The following DLGAP2 variants were observed in gnomAD, a reference collection of about 807,000 sequenced individuals.
DLGAP2 encodes DLG associated protein 2.
In DLGAP2, 26 loss-of-function variants were observed where a neutral mutation model predicts 100.3. The observed-to-expected ratio is 0.26, with a 90% CI of 0.19 to 0.36. The LOEUF (loss-of-function observed/expected upper bound fraction) is 0.36. Ranked by LOEUF, DLGAP2 falls within the 10% of genes least tolerant of loss-of-function variation. The probability of loss-of-function intolerance (pLI) is 1.00; values close to 1 mark genes in which losing one functional copy is unlikely to be tolerated. For synonymous variants in DLGAP2, 886 were observed against 630.1 expected (o/e 1.41, Z -6.08); for missense variants, 1,858 against 1,453.2 (o/e 1.28, Z -4.53).
intron 2 of DLGAP2, among the ~76,000 whole-genome samples, chr8:1,155,938 G>A (rs1796775790): frequency 6.6e-6 from 1 of 152,204 alleles, no homozygotes; most frequent in Non-Finnish European, 1.5e-5. Context: ...CGGGGCTCGG[G>A]GAGGCTGGGT....
At chr8:1,018,258 C>T (rs1017032044) in intron 2 of DLGAP2, among the ~76,000 whole-genome samples, 3 of 152,148 alleles carry the variant, frequency 2.0e-5, no homozygotes, top group African/African-American at 4.8e-5. Flanking sequence ...ACTCTGACAC[C>T]ATAGGACTTC....
intron 3 of DLGAP2, among the ~76,000 whole-genome samples, chr8:1,464,453 G>C (rs1798562729): frequency 2.8e-5 from 2 of 70,970 alleles, no homozygotes; most frequent in African/African-American, 1.2e-4. Flanking sequence ...GAGCTCCCAG[G>C]CAGTAAGTCA....
At chr8:1,632,763 T>G in intron 7 of DLGAP2, 64 bp from the exon 8 acceptor site, 1 of 1,506,742 alleles carries the variant, frequency 6.6e-7, no homozygotes, top group African/African-American at 1.4e-5. Flanking sequence ...CTCTCCTGGC[T>G]TTTCTGTAAC....
At chr8:879,911 T>C (rs1196995396) in intron 1 of DLGAP2, among the ~76,000 whole-genome samples, 1 of 152,186 alleles carries the variant, frequency 6.6e-6, no homozygotes, top group Non-Finnish European at 1.5e-5. Context: ...TCCTTCCGTG[T>C]CTCTCCTCCC....
chr8:1,378,769 C>T (rs1355487935), intron 3 of DLGAP2, among the ~76,000 whole-genome samples: 2 of 152,212 alleles, frequency 1.3e-5, no homozygotes, highest in Non-Finnish European at 2.9e-5. Flanking sequence ...CTTTTTCAGT[C>T]TTTCCTTATG....
intron 2 of DLGAP2, among the ~76,000 whole-genome samples, chr8:959,420 G>A (rs1487562519): frequency 6.6e-6 from 1 of 152,206 alleles, no homozygotes; most frequent in African/African-American, 2.4e-5. Context: ...CTGCAGTCAC[G>A]ATTTTCCCAC....
chr8:1,530,187 A>G (rs909316300), intron 4 of DLGAP2, among the ~76,000 whole-genome samples: 2 of 152,076 alleles, frequency 1.3e-5, no homozygotes, highest in East Asian at 3.9e-4. Flanking sequence ...ACTGGGGTCT[A>G]TTTCACCCCT....
chr8:1,197,906 T>A (rs1585143575), intron 2 of DLGAP2, among the ~76,000 whole-genome samples: 1 of 152,134 alleles, frequency 6.6e-6, no homozygotes, highest in East Asian at 1.9e-4. Flanking sequence ...GGGGAATGAG[T>A]GGAATCAGGG....
chr8:1,572,044 G>A (rs182520249), intron 6 of DLGAP2, among the ~76,000 whole-genome samples: 42 of 134,374 alleles, frequency 3.1e-4, no homozygotes, highest in South Asian at 7.8e-4. Flanking sequence ...AGGGTGAACT[G>A]TGGGGATGTC....
intron 3 of DLGAP2, among the ~76,000 whole-genome samples, chr8:1,313,826 T>G (rs959188233): frequency 2.0e-5 from 3 of 152,152 alleles, no homozygotes; most frequent in Non-Finnish European, 4.4e-5. Context: ...GCGCCAAAAC[T>G]GAACCTTGAT....
At chr8:1,363,010 G>A (rs913656829) in intron 3 of DLGAP2, among the ~76,000 whole-genome samples, 1 of 152,184 alleles carries the variant, frequency 6.6e-6, no homozygotes, top group Non-Finnish European at 1.5e-5. Flanking sequence ...CAGCCCCACC[G>A]CCGGACACAG....
intron 1 of DLGAP2, among the ~76,000 whole-genome samples, chr8:804,343 G>A (rs1796226250): frequency 6.6e-6 from 1 of 152,176 alleles, no homozygotes; most frequent in South Asian, 2.1e-4. Context: ...TTCAAAGAGA[G>A]GCAGGCAGCG....
intron 3 of DLGAP2, among the ~76,000 whole-genome samples, chr8:1,303,441 G>A (rs1455193330): frequency 6.6e-6 from 1 of 151,496 alleles, no homozygotes; most frequent in African/African-American, 2.4e-5. Context: ...AGGAGAAGAG[G>A]AGTGTTTTCC....
chr8:1,451,604 C>G (rs559065397), intron 3 of DLGAP2, among the ~76,000 whole-genome samples: 12 of 152,238 alleles, frequency 7.9e-5, no homozygotes, highest in Admixed American at 7.2e-4. Flanking sequence ...CATCACATGT[C>G]CCCTCCTGGC....
chr8:1,391,882 C>G (rs773124935), intron 3 of DLGAP2, among the ~76,000 whole-genome samples: 6 of 152,214 alleles, frequency 3.9e-5, no homozygotes, highest in Non-Finnish European at 8.8e-5. Context: ...CCCTCCTGAA[C>G]GCTTGTGCGT....
At chr8:1,248,990 G>C (rs1366635486) in intron 2 of DLGAP2, among the ~76,000 whole-genome samples, 1 of 152,132 alleles carries the variant, frequency 6.6e-6, no homozygotes, top group Non-Finnish European at 1.5e-5. Context: ...TGTAAGAGCA[G>C]GACCCCGGGG....
At chr8:845,604 G>C (rs1206747464) in intron 1 of DLGAP2, among the ~76,000 whole-genome samples, 1 of 152,126 alleles carries the variant, frequency 6.6e-6, no homozygotes, top group Admixed American at 6.5e-5. Flanking sequence ...CCATTCTATA[G>C]GGTGTGTTTT....
At chr8:817,524 G>A (rs562380853) in intron 1 of DLGAP2, among the ~76,000 whole-genome samples, 1 of 152,230 alleles carries the variant, frequency 6.6e-6, no homozygotes, top group African/African-American at 2.4e-5. Context: ...ATCTTTTGGG[G>A]GTGGTAAATA....
chr8:1,204,824 A>C (rs1797955644), intron 2 of DLGAP2, among the ~76,000 whole-genome samples: 1 of 152,214 alleles, frequency 6.6e-6, no homozygotes, highest in Non-Finnish European at 1.5e-5. Context: ...AGAGAAGCTT[A>C]GATTTATGAG....
Sources: allele counts gnomAD v4.1 joint callset (sites outside exome capture counted in the v4.1 genomes callset), GRCh38; gene constraint gnomAD v4.1.1; transcripts MANE v1.5; gene names NCBI Gene and HGNC (gene_info 2026-07-23, HGNC 2026-07-21).